The following IQCB1 variants were observed in gnomAD, a reference collection of about 807,000 sequenced individuals.
IQCB1 encodes IQ motif containing B1.
A neutral mutation model predicts 84.4 loss-of-function variants in IQCB1; 56 were observed. The observed-to-expected ratio is 0.66, with a 90% CI of 0.54 to 0.83. The LOEUF is 0.83. Among genes scored for constraint, IQCB1 ranks in the 40% least tolerant of loss-of-function variants. The pLI is 0.00. For missense variants in IQCB1, 629 were observed against 682.1 expected, an observed-to-expected ratio of 0.92 and a Z score of 0.87; for synonymous variants, 210 against 234.8, an observed-to-expected ratio of 0.89 and a Z score of 0.96.
chr3:121,813,787 C>A (rs1415930939), intron 5 of IQCB1, among the ~76,000 whole-genome samples: 2 of 152,164 alleles, frequency 1.3e-5, no homozygotes, highest in Non-Finnish European at 1.5e-5. Flanking sequence ...TTCTTAGAGA[C>A]CGACAAAGAG....
intron 13 of IQCB1, among the ~76,000 whole-genome samples, chr3:121,778,836 G>A (rs550674498): frequency 3.0e-4 from 45 of 151,558 alleles, no homozygotes; most frequent in Non-Finnish European, 5.7e-4. Context: ...AACCCGGGAG[G>A]CGGCAGTTGC....
rs1948050407 is a variant in IQCB1, at chr3:121,772,671, G to C, written c.1453C>G (p.Gln485Glu). ...TAGTGTTGCAGTCGTTCTTGAGCTTGGGCATGGAGCTCCCTACTGACCACA... is the reference window on the plus strand; with the variant it reads ...TAGTGTTGCAGTCGTTCTTGAGCTTCGGCATGGAGCTCCCTACTGACCACA... The part of the protein sequence containing the change: ...SDVVSRELHA[Q>E]AQERLQHYFM... Residue 485 changes from glutamine (Q) to glutamate (E), a missense_variant, in exon 14 of 15, where the codon CAA becomes GAA. Gln to Glu is a conservative substitution (Grantham distance 29, BLOSUM62 2). Transcript: ENST00000310864. 2 of 1,614,036 alleles carry C rather than the reference G, an allele frequency of 1.2e-6. No individual in the cohort carries two copies. The highest frequency in any genetic ancestry group is 2.7e-5 in the African/African-American group (2 of 74,910).
chr3:121,772,057 C>A (rs1948014512), intron 14 of IQCB1, among the ~76,000 whole-genome samples: 1 of 151,986 alleles, frequency 6.6e-6, no homozygotes, highest in Admixed American at 6.5e-5. Context: ...ACCTGTAGTC[C>A]CAGCTACTCG....
intron 12 of IQCB1, among the ~76,000 whole-genome samples, chr3:121,785,411 C>T (rs990351473): frequency 7.9e-5 from 12 of 152,022 alleles, no homozygotes; most frequent in African/African-American, 2.4e-4. Flanking sequence ...CATGCTACCA[C>T]GCCTGGCTAA....
chr3:121,780,717 T>G (rs1009602098), intron 13 of IQCB1, among the ~76,000 whole-genome samples: 3 of 152,358 alleles, frequency 2.0e-5, no homozygotes, highest in Admixed American at 1.3e-4. Flanking sequence ...TTTTGTTTGT[T>G]TGTTACAAAA....
At chr3:121,803,849 T>C (rs1423780184) in intron 7 of IQCB1, among the ~76,000 whole-genome samples, 1 of 152,196 alleles carries the variant, frequency 6.6e-6, no homozygotes, top group Admixed American at 6.5e-5. Flanking sequence ...CTAAGGTGCA[T>C]TTCTGGTAGA....
intron 11 of IQCB1, among the ~76,000 whole-genome samples, chr3:121,789,400 G>A (rs745352455): frequency 6.6e-6 from 1 of 152,158 alleles, no homozygotes; most frequent in Non-Finnish European, 1.5e-5. Flanking sequence ...TAGGAGAGTA[G>A]GTGAAGATGG....
intron 13 of IQCB1, among the ~76,000 whole-genome samples, chr3:121,775,683 T>TA (rs1159743983): frequency 6.6e-6 from 1 of 152,230 alleles, no homozygotes; most frequent in East Asian, 1.9e-4. Flanking sequence ...TGATTATTTT[T>TA]AAAATCTCAG....
intron 5 of IQCB1, among the ~76,000 whole-genome samples, chr3:121,825,061 CTTT>C (rs1553721684): frequency 1.2e-5 from 1 of 83,766 alleles, no homozygotes; most frequent in Non-Finnish European, 2.4e-5. Flanking sequence ...TTTTTCTTTT[CTTT>C]TTTTTTTTTT....
intron 5 of IQCB1, among the ~76,000 whole-genome samples, chr3:121,825,077 T>C (rs1950417035): frequency 6.6e-6 from 1 of 151,366 alleles, no homozygotes; most frequent in East Asian, 1.9e-4. Flanking sequence ...TTTTTTTTTT[T>C]CAGATGGAGT....
intron 5 of IQCB1, among the ~76,000 whole-genome samples, chr3:121,814,233 C>A (rs1464909509): frequency 6.6e-6 from 1 of 152,182 alleles, no homozygotes; most frequent in African/African-American, 2.4e-5. Flanking sequence ...AACAAAGACA[C>A]AATGTGCCAG....
Position 121,828,268 on chromosome 3 carries a change from CT to C in IQCB1, c.263+201del, listed in dbSNP as rs1950522365. Among the ~76,000 whole-genome samples, 1 of 152,010 alleles carries C rather than the reference CT, an allele frequency of 6.6e-6. No homozygotes were observed. The highest frequency in any genetic ancestry group is 1.5e-5 in the Non-Finnish European group (1 of 67,962). Reference sequence around the variant, plus strand: ...AAAAATGATCACCATCTTCATTAAGCTTGTGGAGGAAAATTTTAGACAGTCA... The same window carrying C: ...AAAAATGATCACCATCTTCATTAAGCTGTGGAGGAAAATTTTAGACAGTCA... On this transcript the variant is annotated intron_variant, in intron 4 of 14. Coordinates refer to ENST00000310864, the MANE Select transcript of IQCB1 (RefSeq NM_001023570.4).
At chr3:121,827,072 T>C (rs953255871) in intron 4 of IQCB1, among the ~76,000 whole-genome samples, 1 of 152,056 alleles carries the variant, frequency 6.6e-6, no homozygotes, top group Non-Finnish European at 1.5e-5. Flanking sequence ...TGGAATACTA[T>C]GCAGCCATAA....
chr3:121,820,206 C>T (rs1950224165), intron 5 of IQCB1, among the ~76,000 whole-genome samples: 1 of 152,100 alleles, frequency 6.6e-6, no homozygotes, highest in African/African-American at 2.4e-5. Flanking sequence ...GCAGAACAGA[C>T]CATGAGGCCA....
chr3:121,779,086 A>T (rs908145761), intron 13 of IQCB1, among the ~76,000 whole-genome samples: 16 of 152,056 alleles, frequency 1.1e-4, no homozygotes, highest in Admixed American at 5.2e-4. Flanking sequence ...TATATATATA[A>T]AAATTTTTTT....
chr3:121,772,728 C>G lies in IQCB1; in HGVS notation c.1411-15G>C, dbSNP rs369175014. 6.2e-7 allele frequency: 1 copy of G among 1,613,858 alleles called. No homozygotes were observed. Among genetic ancestry groups the G allele is most frequent in the East Asian group, 2.2e-5 (1 of 44,866 alleles). ...ATTGGAGAGCCCTGGAAACACAGGA[C>G]AGAAAAACCTGTCACAGAGAGGACA... On this transcript the variant is annotated splice_polypyrimidine_tract_variant and intron_variant, in intron 13 of 14. Transcript: ENST00000310864.
chr3:121,823,804 A>G (rs1950356820), intron 5 of IQCB1, among the ~76,000 whole-genome samples: 1 of 152,244 alleles, frequency 6.6e-6, no homozygotes, highest in African/African-American at 2.4e-5. Context: ...TAGATATAAA[A>G]AAATCATTTT....
intron 13 of IQCB1, among the ~76,000 whole-genome samples, chr3:121,775,899 A>G (rs1001974489): frequency 6.6e-6 from 1 of 152,074 alleles, no homozygotes; most frequent in Non-Finnish European, 1.5e-5. Flanking sequence ...TCCACCAACT[A>G]CTTATCCCAA....
intron 9 of IQCB1, 25 bp downstream of exon 9, chr3:121,797,093 A>G (rs1949221658): frequency 7.4e-6 from 7 of 952,376 alleles, no homozygotes; most frequent in Non-Finnish European, 6.4e-6. Flanking sequence ...ATATCATGCA[A>G]TTTTTTTTTT....
Sources: gnomAD v4.1 joint callset for allele counts (sites outside exome capture counted in the v4.1 genomes callset) on GRCh38, gnomAD v4.1.1 for gene constraint, MANE v1.5 for transcripts, NCBI Gene and HGNC (gene_info 2026-07-23, HGNC 2026-07-21) for gene names.